The following ATP2B3 variants were observed in gnomAD, a reference collection of about 807,000 sequenced individuals.
The protein encoded by ATP2B3 is plasma membrane calcium-transporting ATPase 3.
Under a neutral mutation model 70.8 loss-of-function variants are expected in ATP2B3, and 12 were observed. The ratio of observed to expected loss-of-function variants is 0.17; its 90% CI spans 0.11 to 0.27. The LOEUF (loss-of-function observed/expected upper bound fraction) is 0.27. Among genes scored for constraint, ATP2B3 ranks in the 10% least tolerant of loss-of-function variants. The pLI is 1.00. For missense variants in ATP2B3, 858 were observed against 1,118.5 expected, an observed-to-expected ratio of 0.77 and a Z score of 3.32; for synonymous variants, 460 against 497.8, an observed-to-expected ratio of 0.92 and a Z score of 1.01.
At position 153,531,069 on chromosome X, in the gene ATP2B3, G is replaced by A. The variant is rs190730139; in HGVS notation, c.-126-5053G>A. ...CCAGGTGGTCGCCAAGGTGCGTCAA[G>A]CAGAGGGGAGGGGGCAGGGGCGGGC... On this transcript the variant is annotated intron_variant, in intron 2 of 21. Coordinates refer to ENST00000263519, the MANE Select transcript of ATP2B3 (RefSeq NM_001001344.3). 7.1e-3 allele frequency among the ~76,000 whole-genome samples: 798 copies of A among 112,588 alleles called. 2 individuals carry two copies. The highest frequency in any genetic ancestry group is 0.024 in the African/African-American group (739 of 31,012).
intron 21 of ATP2B3, among the ~76,000 whole-genome samples, chrX:153,573,952 C>T (rs1354360476): frequency 8.9e-6 from 1 of 112,795 alleles, no homozygotes; most frequent in African/African-American, 3.2e-5. Flanking sequence ...CACACACAGC[C>T]ATGTCTTGTC....
chrX:153,549,639 A>T lies in ATP2B3; in HGVS notation c.1481A>T (p.His494Leu), dbSNP rs1557010492. 1 of 1,212,350 alleles carries T rather than the reference A, an allele frequency of 8.2e-7. No individual in the cohort carries two copies. ...GTCCAGTCCTACCTAGGAGACACCCACTACAAAGAGATTCCGGCCCCCAGC... is the reference window on the plus strand; with the variant it reads ...GTCCAGTCCTACCTAGGAGACACCCTCTACAAAGAGATTCCGGCCCCCAGC... ...TVVQSYLGDT[H>L]YKEIPAPSAL... The change falls in exon 11 of 22, where the codon CAC (histidine) becomes CTC (leucine). Residue 494 changes from histidine (H) to leucine (L), a missense_variant. His to Leu is a moderately conservative substitution (Grantham distance 99, BLOSUM62 -3). Coordinates refer to ENST00000263519, the MANE Select transcript of ATP2B3 (RefSeq NM_001001344.3).
chrX:153,536,354 C>T lies in ATP2B3; in HGVS notation c.107C>T (p.Thr36Ile), dbSNP rs782034953. Residue 36 changes from threonine to isoleucine, a missense_variant, in exon 3 of 22, where the codon ACC becomes ATC. Physicochemically the swap from Thr to Ile is moderately conservative, Grantham distance 89. This residue lies in a region of ATP2B3 where 278 missense variants were observed against 366.2 expected (regional missense o/e 0.76). Transcript: ENST00000263519. ...GFGCTLAELR[T>I]LMELRGAEAL... ...GGGTGCACGCTGGCGGAGCTGCGCA[C>T]CCTCATGGAGCTGCGAGGGGCCGAG... The T allele has an allele frequency of 2.5e-6, 3 of 1,201,974 alleles. No individual in the cohort carries two copies. The highest frequency in any genetic ancestry group is 3.4e-6 in the Non-Finnish European group (3 of 891,351).
chrX:153,569,592 C>G, intron 21 of ATP2B3: 1 of 1,210,551 alleles, frequency 8.3e-7, no homozygotes, highest in Non-Finnish European at 1.1e-6. Context: ...ATCTCATTTT[C>G]TCTCCCACAG....
intron 3 of ATP2B3, among the ~76,000 whole-genome samples, chrX:153,537,436 G>A (rs1199847984): frequency 1.8e-5 from 2 of 113,497 alleles, no homozygotes; most frequent in East Asian, 2.8e-4. Flanking sequence ...CCAGCCTCCC[G>A]CTCTGCCCTC....
At chrX:153,573,896 A>G (rs967398246) in intron 21 of ATP2B3, among the ~76,000 whole-genome samples, 1 of 112,444 alleles carries the variant, frequency 8.9e-6, no homozygotes, top group African/African-American at 3.2e-5. Context: ...GTGGGAGGCA[A>G]TTTTCATGAA....
At chrX:153,533,924 A>T (rs781816734) in intron 2 of ATP2B3, among the ~76,000 whole-genome samples, 4 of 110,685 alleles carry the variant, frequency 3.6e-5, no homozygotes, top group Non-Finnish European at 3.8e-5. Flanking sequence ...GGATGAGCAC[A>T]TGCCAGGGGA....
At chrX:153,569,689 C>T (rs147874519) in intron 21 of ATP2B3, 351 of 1,209,553 alleles carry the variant, frequency 2.9e-4, no homozygotes, top group Non-Finnish European at 3.4e-4. Flanking sequence ...AGCTTCATGA[C>T]GTAACCAATC....
intron 13 of ATP2B3, 89 bp downstream of exon 13, chrX:153,553,358 C>A: frequency 1.2e-6 from 1 of 811,745 alleles, no homozygotes; most frequent in Non-Finnish European, 1.8e-6. Context: ...TTCCTTCACA[C>A]ACAGCTGCTG....
intron 18 of ATP2B3, among the ~76,000 whole-genome samples, chrX:153,560,348 G>A (rs2090606014): frequency 9.1e-6 from 1 of 110,333 alleles, no homozygotes; most frequent in Admixed American, 9.5e-5. Flanking sequence ...TGCCGTGCTG[G>A]AAGCTGTGAG....
At chrX:153,531,014 G>T (rs781961247) in intron 2 of ATP2B3, among the ~76,000 whole-genome samples, 1 of 112,239 alleles carries the variant, frequency 8.9e-6, no homozygotes, top group Non-Finnish European at 1.9e-5. Context: ...CTGCATGCAG[G>T]CCTTGTCCTT....
intron 3 of ATP2B3, 60 bp downstream of exon 3, chrX:153,536,515 C>G: frequency 6.2e-6 from 7 of 1,120,559 alleles, no homozygotes; most frequent in Non-Finnish European, 1.2e-6. Context: ...GAGGAGCGAC[C>G]TGAAGGCATC....
At chrX:153,529,504 C>T (rs782071787) in intron 2 of ATP2B3, among the ~76,000 whole-genome samples, 14 of 112,308 alleles carry the variant, frequency 1.2e-4, no homozygotes, top group African/African-American at 4.5e-4. Context: ...GTGTCCACCA[C>T]CCTGGACACA....
rs782453695 is a variant in ATP2B3 at position 153,560,830 on chromosome X, C to T, written c.2994C>T (p.Asp998=). ...RKIHGERNVF[D]GIFSNPIFCT... ...TCCACGGCGAGAGGAACGTGTTCGA[C>T]GGCATCTTCAGCAACCCCATCTTCT... The change falls in exon 19 of 22, where the codon GAC becomes GAT. Residue 998 remains aspartate (D), a synonymous_variant. Coordinates refer to ENST00000263519, the MANE Select transcript of ATP2B3 (RefSeq NM_001001344.3). 18 of 1,210,453 alleles carry T rather than the reference C, an allele frequency of 1.5e-5. No homozygotes were observed. Among genetic ancestry groups the T allele is most frequent in the East Asian group, 3.0e-5 (1 of 33,779 alleles).
intron 20 of ATP2B3, 150 bp from the exon 21 acceptor site, chrX:153,564,771 T>G: frequency 5.3e-6 from 3 of 569,323 alleles, no homozygotes; most frequent in Non-Finnish European, 7.9e-6. Context: ...CCGGGGGGAC[T>G]GCTCTAGCTT....
At chrX:153,558,518 C>A (rs2090576436) in intron 17 of ATP2B3, among the ~76,000 whole-genome samples, 1 of 112,568 alleles carries the variant, frequency 8.9e-6, no homozygotes, top group Non-Finnish European at 1.9e-5. Context: ...CTATCTAGTT[C>A]CAGAAGATTG....
Position 153,559,896 on chromosome X carries a change from C to T in ATP2B3, c.2793C>T (p.Gly931=). 1 of 1,211,957 alleles carries T rather than the reference C, an allele frequency of 8.3e-7. No homozygotes were observed. The highest frequency in any genetic ancestry group is 1.1e-6 in the Non-Finnish European group (1 of 895,462). Residue 931 remains glycine, a synonymous_variant, in exon 18 of 22, where the codon GGC becomes GGT. Transcript: ENST00000263519. ...ISRTMMKNIL[G]HAVYQLAIIF... The stretch of plus-strand genomic sequence containing the variant: ...GCACCATGATGAAGAACATTCTGGG[C>T]CACGCCGTGTACCAGCTCGCCATCA...
In ATP2B3 at chrX:153,550,152, G is replaced by A; in HGVS notation, c.1689G>A (p.Glu563=). The change falls in exon 12 of 22, where the codon GAG becomes GAA. Residue 563 remains glutamate (E), a synonymous_variant. Coordinates refer to ENST00000263519, the MANE Select transcript of ATP2B3 (RefSeq NM_001001344.3). The stretch of plus-strand genomic sequence containing the variant: ...AGCGGGACTTCCAGCCCGTGCGCGA[G>A]CAGATCCCGGAAGACAAGCTTTACA... The part of the protein sequence containing the change: ...DLKRDFQPVR[E]QIPEDKLYKV... 2 of 1,212,544 alleles carry A rather than the reference G, an allele frequency of 1.6e-6. No individual in the cohort carries two copies. Among genetic ancestry groups the A allele is most frequent in the Non-Finnish European group, 2.2e-6 (2 of 895,691 alleles).
chrX:153,549,927 C>T (rs2090431206), intron 11 of ATP2B3, 118 bp from the exon 12 acceptor site: 3 of 1,110,874 alleles, frequency 2.7e-6, no homozygotes, highest in Non-Finnish European at 3.6e-6. Context: ...TTCCTCTGCT[C>T]CCTGCCGCCC....
Sources: allele counts gnomAD v4.1 joint callset (sites outside exome capture counted in the v4.1 genomes callset), GRCh38; gene constraint gnomAD v4.1.1; regional missense constraint gnomAD v4.1.1; transcripts MANE v1.5; gene names NCBI Gene and HGNC (gene_info 2026-07-23, HGNC 2026-07-21).